Variants in DLGAP2 observed in about 807,000 individuals in gnomAD.
DLGAP2 encodes disks large-associated protein 2.
A neutral mutation model predicts 100.3 loss-of-function variants in DLGAP2; 26 were observed. That is an observed-to-expected ratio of 0.26 (90% CI 0.19 to 0.36). The LOEUF (loss-of-function observed/expected upper bound fraction) is 0.36. DLGAP2 is among the 10% of genes least tolerant of loss of function. DLGAP2 has a pLI of 1.00. For missense variants in DLGAP2, 1,858 were observed against 1,453.2 expected, an observed-to-expected ratio of 1.28 and a Z score of -4.53; for synonymous variants, 886 against 630.1, an observed-to-expected ratio of 1.41 and a Z score of -6.08.
intron 3 of DLGAP2, among the ~76,000 whole-genome samples, chr8:1,272,763 C>T (rs1161476305): frequency 1.3e-5 from 2 of 152,170 alleles, no homozygotes; most frequent in Middle Eastern, 6.8e-3. Context: ...GGTGACTCTT[C>T]CCATCATGCA....
intron 2 of DLGAP2, among the ~76,000 whole-genome samples, chr8:1,193,539 C>T (rs1170487323): frequency 6.6e-6 from 1 of 152,194 alleles, no homozygotes; most frequent in Non-Finnish European, 1.5e-5. Context: ...CTGAAATCCA[C>T]AGATGGCAGG....
rs186729906 is a variant in DLGAP2, at chr8:1,133,252, C to T, written c.74-125599C>T. On this transcript the variant is annotated intron_variant, in intron 2 of 14. Coordinates refer to ENST00000637795, the MANE Select transcript of DLGAP2 (RefSeq NM_001346810.2). ...AAAAGAACTTTGGAATTTTCCTTTA[C>T]TTCCATGCCTGGGGGTTTGCAGGCT... Among the ~76,000 whole-genome samples, 252 of 152,302 alleles carry T rather than the reference C, an allele frequency of 1.7e-3. 1 individual carries two copies. Among genetic ancestry groups the T allele is most frequent in the South Asian group, 0.012 (59 of 4,824 alleles).
chr8:1,146,631 G>A (rs1288505550), intron 2 of DLGAP2, among the ~76,000 whole-genome samples: 2 of 151,968 alleles, frequency 1.3e-5, no homozygotes, highest in Admixed American at 6.5e-5. Context: ...GTGCATGCAT[G>A]TGTGTGCATG....
At chr8:960,827 A>C (rs1383576906) in intron 2 of DLGAP2, among the ~76,000 whole-genome samples, 3 of 152,202 alleles carry the variant, frequency 2.0e-5, no homozygotes, top group Admixed American at 2.0e-4. Flanking sequence ...CATAAGTTGA[A>C]CCATTATAAG....
At chr8:1,387,510 G>A (rs1252620388) in intron 3 of DLGAP2, among the ~76,000 whole-genome samples, 1 of 152,166 alleles carries the variant, frequency 6.6e-6, no homozygotes, top group Non-Finnish European at 1.5e-5. Context: ...AGGAGGTTCT[G>A]GAGAAGGACG....
chr8:791,922 G>A (rs1456030445), intron 1 of DLGAP2, among the ~76,000 whole-genome samples: 1 of 152,148 alleles, frequency 6.6e-6, no homozygotes, highest in Non-Finnish European at 1.5e-5. Flanking sequence ...AACCCCTAAC[G>A]ACGTCGCATG....
intron 2 of DLGAP2, among the ~76,000 whole-genome samples, chr8:962,990 A>G (rs1291748592): frequency 1.3e-5 from 2 of 152,172 alleles, no homozygotes; most frequent in Admixed American, 6.5e-5. Context: ...TGATGGGAAA[A>G]GTGTGGGAAT....
chr8:894,268 T>G (rs74365662), intron 1 of DLGAP2, among the ~76,000 whole-genome samples: 18,536 of 152,156 alleles, frequency 0.12, 1,513 homozygotes, highest in Admixed American at 0.26. Context: ...ACTTGGAGGT[T>G]GTCACTCCAG....
chr8:1,617,035 C>G (rs1797177704), intron 6 of DLGAP2, among the ~76,000 whole-genome samples: 2 of 152,170 alleles, frequency 1.3e-5, no homozygotes, highest in South Asian at 4.1e-4. Context: ...GCCTCCAGCT[C>G]CATCCATGTT....
At chr8:1,487,196 T>C (rs1375999540) in intron 3 of DLGAP2, among the ~76,000 whole-genome samples, 2 of 152,242 alleles carry the variant, frequency 1.3e-5, no homozygotes, top group African/African-American at 4.8e-5. Flanking sequence ...GATTGGTCCG[T>C]GAATAATAGG....
In DLGAP2 at chr8:1,195,195, C is replaced by T. The variant is rs1189765375; in HGVS notation, c.74-63656C>T. The stretch of plus-strand genomic sequence containing the variant: ...GAGACGAGGGTGTCAGGAAGGTGCC[C>T]CATGGTCATCCCAGCTGGGACTGGG... On this transcript the variant is annotated intron_variant, in intron 2 of 14. Coordinates refer to ENST00000637795, the MANE Select transcript of DLGAP2 (RefSeq NM_001346810.2). Among the ~76,000 whole-genome samples the T allele has an allele frequency of 3.9e-5, 6 of 152,286 alleles. No individual in the cohort carries two copies. The East Asian group carries it at 9.7e-4, about 25-fold the overall frequency.
intron 3 of DLGAP2, chr8:1,262,646 G>A (rs1027579400): frequency 1.3e-5 from 2 of 152,112 alleles, no homozygotes; most frequent in African/African-American, 4.8e-5. Flanking sequence ...CATTTTCTTA[G>A]TGATTCCTGT....
chr8:1,654,042 T>A (rs981701759), intron 8 of DLGAP2, among the ~76,000 whole-genome samples: 1 of 152,244 alleles, frequency 6.6e-6, no homozygotes, highest in Non-Finnish European at 1.5e-5. Context: ...ATTTGCCATG[T>A]GCATGGTAAA....
intron 2 of DLGAP2, among the ~76,000 whole-genome samples, chr8:1,039,883 C>A (rs1220700918): frequency 1.4e-5 from 2 of 146,292 alleles, no homozygotes; most frequent in Admixed American, 6.8e-5. Context: ...TGTGCATGGT[C>A]GGCTCGGTAT....
intron 3 of DLGAP2, among the ~76,000 whole-genome samples, chr8:1,356,097 C>T (rs1022883969): frequency 6.6e-5 from 10 of 152,206 alleles, no homozygotes; most frequent in African/African-American, 2.4e-4. Context: ...GGTCCCTGGA[C>T]AAGGTGGGCC....
chr8:1,191,327 C>A (rs531509027), intron 2 of DLGAP2, among the ~76,000 whole-genome samples: 1 of 151,926 alleles, frequency 6.6e-6, no homozygotes, highest in African/African-American at 2.4e-5. Context: ...CCCGCCACCA[C>A]GCCCGGCTAA....
At chr8:1,021,702 TC>T (rs757963410) in intron 2 of DLGAP2, among the ~76,000 whole-genome samples, 1 of 152,252 alleles carries the variant, frequency 6.6e-6, no homozygotes, top group East Asian at 1.9e-4. Flanking sequence ...GGTGAGTACT[TC>T]CCTGGGAAAG....
rs532008431 is a variant in DLGAP2, at chr8:1,490,016, C to T, written c.107-11350C>T. ...AAGCAGTTCTCCTGCCTCAGCCTCCCGAGTAGCTGGGATTACAGGCACCTG... is the reference window on the plus strand; with the variant it reads ...AAGCAGTTCTCCTGCCTCAGCCTCCTGAGTAGCTGGGATTACAGGCACCTG... On this transcript the variant is annotated intron_variant, in intron 3 of 14. Transcript: ENST00000637795. Among the ~76,000 whole-genome samples, 20 of 152,168 alleles carry T rather than the reference C, an allele frequency of 1.3e-4. 1 individual carries two copies. The highest frequency in any genetic ancestry group is 9.8e-4 in the Admixed American group (15 of 15,296).
Position 1,463,669 on chromosome 8 carries a change from A to C in DLGAP2, c.107-37697A>C, listed in dbSNP as rs75802757. Among the ~76,000 whole-genome samples the C allele has an allele frequency of 4.4e-3, 676 of 152,322 alleles. 6 individuals are homozygous for C. Among genetic ancestry groups the C allele is most frequent in the African/African-American group, 0.016 (647 of 41,574 alleles). On this transcript the variant is annotated intron_variant, in intron 3 of 14. Coordinates refer to ENST00000637795, the MANE Select transcript of DLGAP2 (RefSeq NM_001346810.2). The stretch of plus-strand genomic sequence containing the variant: ...GTCGGGATACCCAAATCTCACTTGC[A>C]TTTCCCAGCAAGCATTCGTGAAAAC...
Sources: gnomAD v4.1 joint callset for allele counts (sites outside exome capture counted in the v4.1 genomes callset) on GRCh38, gnomAD v4.1.1 for gene constraint, MANE v1.5 for transcripts, NCBI Gene and HGNC (gene_info 2026-07-23, HGNC 2026-07-21) for gene names.